Variants in NHLRC2 observed in about 807,000 individuals in gnomAD.
NHLRC2 encodes the protein NHL repeat containing 2.
A neutral mutation model predicts 68.1 loss-of-function variants in NHLRC2; 33 were observed. The ratio of observed to expected loss-of-function variants is 0.48; its 90% CI spans 0.37 to 0.65. The LOEUF (loss-of-function observed/expected upper bound fraction) is 0.65, where lower values mean the gene tolerates loss of function less well. Among genes scored for constraint, NHLRC2 ranks in the 30% least tolerant of loss-of-function variants. NHLRC2 has a pLI of 0.00. For missense variants in NHLRC2, 761 were observed against 853.8 expected, an observed-to-expected ratio of 0.89 and a Z score of 1.35; for synonymous variants, 311 against 309.6, an observed-to-expected ratio of 1.00 and a Z score of -0.05.
At chr10:113,876,450 C>A in intron 2 of NHLRC2, 71 bp from the exon 3 acceptor site, 5 of 848,140 alleles carry the variant, frequency 5.9e-6, no homozygotes, top group South Asian at 2.1e-5. Context: ...TGATCCAAAA[C>A]CTAATGTGTA....
Position 113,865,285 on chromosome 10 carries a change from C to G in NHLRC2, c.331+6605C>G, listed in dbSNP as rs370990125. Reference sequence around the variant, plus strand: ...GTTTTTAAAAATCGCTTTTCATCCCCCCCCCCCGTTCCTCTCACCATATAA... The same window carrying G: ...GTTTTTAAAAATCGCTTTTCATCCCGCCCCCCCGTTCCTCTCACCATATAA... On this transcript the variant is annotated intron_variant, in intron 2 of 10. Coordinates refer to ENST00000369301, the MANE Select transcript of NHLRC2 (RefSeq NM_198514.4). Among the ~76,000 whole-genome samples, 864 of 139,060 alleles carry G rather than the reference C, an allele frequency of 6.2e-3. 22 individuals carry two copies. Among genetic ancestry groups the G allele is most frequent in the African/African-American group, 0.021 (782 of 38,014 alleles). The allele number at this position is 139,060 out of a possible 152,430, so 91.2% of individuals were successfully genotyped here. A position where few individuals can be genotyped will look rare whatever the true frequency, so the allele number is the denominator to read the frequency against.
chr10:113,898,816 A>G (rs1001801696), intron 6 of NHLRC2, among the ~76,000 whole-genome samples: 1 of 152,142 alleles, frequency 6.6e-6, no homozygotes, highest in Non-Finnish European at 1.5e-5. Flanking sequence ...GAGCCACTTT[A>G]ACTTTCAAAG....
chr10:113,864,242 G>A (rs1845842360), intron 2 of NHLRC2, among the ~76,000 whole-genome samples: 1 of 152,302 alleles, frequency 6.6e-6, no homozygotes, highest in African/African-American at 2.4e-5. Flanking sequence ...AGGGGAGAAT[G>A]TGGAGCTATT....
At chr10:113,858,841 A>G (rs1845788221) in intron 2 of NHLRC2, 161 bp downstream of exon 2, 2 of 501,638 alleles carry the variant, frequency 4.0e-6, no homozygotes, top group South Asian at 8.2e-5. Context: ...ACCTTTTCAT[A>G]AAGGATTAAG....
chr10:113,885,981 T>G (rs1055993397), intron 5 of NHLRC2, among the ~76,000 whole-genome samples: 1 of 152,056 alleles, frequency 6.6e-6, no homozygotes. Flanking sequence ...CATGATTTTA[T>G]ATGTAGAAAA....
In NHLRC2 at chr10:113,876,789, C is replaced by G. The variant is rs1564853127; in HGVS notation, c.600C>G (p.Asp200Glu). Residue 200 changes from aspartate to glutamate, a missense_variant, in exon 3 of 11, where the codon GAC becomes GAG. Physicochemically the swap from Asp to Glu is conservative, Grantham distance 45. Transcript: ENST00000369301. ...CAATTGCTTTAAAGTATTACAAAGA[C>G]AGGGGGCAGATCAGAGATAATAAAA... ...YTSIALKYYKDRGQIRDNKIG... is the reference protein window; with the variant it reads ...YTSIALKYYKERGQIRDNKIG... The G allele has an allele frequency of 6.2e-7, 1 of 1,611,688 alleles. No individual in the cohort carries two copies. The highest frequency in any genetic ancestry group is 1.7e-5 in the Admixed American group (1 of 59,940).
In NHLRC2 at chr10:113,910,667, A is replaced by C. The variant is rs1306279337; in HGVS notation, c.*2131A>C. 1 of 152,174 alleles carries C rather than the reference A, an allele frequency of 6.6e-6. No individual in the cohort carries two copies. Among genetic ancestry groups the C allele is most frequent in the African/African-American group, 2.4e-5 (1 of 41,430 alleles). The allele number at this position is 152,174 out of a possible 1,614,324, so 9.4% of individuals were successfully genotyped here. On this transcript the variant is annotated 3_prime_UTR_variant, in exon 11 of 11. Coordinates refer to ENST00000369301, the MANE Select transcript of NHLRC2 (RefSeq NM_198514.4). Reference sequence around the variant, plus strand: ...TAATTTACTAATTTAGAAATATCTGAGTTTATTTTTCAATATAATATACAA... The same window carrying C: ...TAATTTACTAATTTAGAAATATCTGCGTTTATTTTTCAATATAATATACAA...
rs535372736 is a variant in NHLRC2 at position 113,913,608 on chromosome 10, T to G, written c.*5072T>G. The G allele has an allele frequency of 1.3e-5, 2 of 152,308 alleles. No homozygotes were observed. The highest frequency in any genetic ancestry group is 4.8e-5 in the African/African-American group (2 of 41,570). The allele number at this position is 152,308 out of a possible 1,614,324, so 9.4% of individuals were successfully genotyped here. On this transcript the variant is annotated 3_prime_UTR_variant, in exon 11 of 11. Coordinates refer to ENST00000369301, the MANE Select transcript of NHLRC2 (RefSeq NM_198514.4). ...TAAGACCTTATCATAAAGAGCCTTT[T>G]GCACAGGACTATCTCAAACCCTAAG...
Position 113,858,642 on chromosome 10 carries a change from C to G in NHLRC2, c.293C>G (p.Pro98Arg). 6.2e-7 allele frequency: 1 copy of G among 1,610,384 alleles called. No homozygotes were observed. Residue 98 changes from proline to arginine, a missense_variant, in exon 2 of 11, where the codon CCT becomes CGT. Pro to Arg is a moderately radical substitution (Grantham distance 103). Transcript: ENST00000369301. ...YCCINCIHLL[P>R]DLHALEHTYS... ...TGCATAAACTGTATTCACCTATTGCCTGATCTCCATGCATTAGAACACACA... is the reference window on the plus strand; with the variant it reads ...TGCATAAACTGTATTCACCTATTGCGTGATCTCCATGCATTAGAACACACA...
rs187271200 is a variant in NHLRC2 at position 113,883,422 on chromosome 10, T to C, written c.910-829T>C. ...TGCTGTAGCTTTGAGGAATAAGATA[T>C]CTATGAAGTAAGGAAAATTTCTGTC... On this transcript the variant is annotated intron_variant, in intron 4 of 10. Coordinates refer to ENST00000369301, the MANE Select transcript of NHLRC2 (RefSeq NM_198514.4). Among the ~76,000 whole-genome samples, 23 of 152,002 alleles carry C rather than the reference T, an allele frequency of 1.5e-4. No individual in the cohort carries two copies. The East Asian group carries it at 3.1e-3, about 20-fold the overall frequency.
At chr10:113,906,179 AGCAGTGT>A (rs1846273590) in intron 10 of NHLRC2, among the ~76,000 whole-genome samples, 1 of 152,204 alleles carries the variant, frequency 6.6e-6, no homozygotes, top group Non-Finnish European at 1.5e-5. Context: ...TCACTGTAGG[AGCAGTGT>A]ACTAATTTTT....
At chr10:113,886,559 G>C (rs1488150455) in intron 5 of NHLRC2, among the ~76,000 whole-genome samples, 1 of 152,078 alleles carries the variant, frequency 6.6e-6, no homozygotes, top group Non-Finnish European at 1.5e-5. Context: ...TAACAGGATA[G>C]AAAACCCAGA....
At position 113,914,451 on chromosome 10, in the gene NHLRC2, AGCCGCT is replaced by A. The variant is rs1846361647; in HGVS notation, c.*5918_*5923del. On this transcript the variant is annotated 3_prime_UTR_variant, in exon 11 of 11. Coordinates refer to ENST00000369301, the MANE Select transcript of NHLRC2 (RefSeq NM_198514.4). ...CCAAAGTGCTGGGATTACAGGCGTG[AGCCGCT>A]GCGCCCAGCGCACTAAATACTATTA... The A allele has an allele frequency of 6.5e-6, 1 of 154,766 alleles. No homozygotes were observed. Among genetic ancestry groups the A allele is most frequent in the Non-Finnish European group, 1.4e-5 (1 of 69,972 alleles). 9.6% of individuals were successfully genotyped at this position (154,766 alleles called of 1,614,324 possible).
At chr10:113,867,561 A>G (rs1845880113) in intron 2 of NHLRC2, among the ~76,000 whole-genome samples, 1 of 152,078 alleles carries the variant, frequency 6.6e-6, no homozygotes, top group African/African-American at 2.4e-5. Context: ...CACCCTTCTC[A>G]TCCTTCCTCA....
intron 2 of NHLRC2, among the ~76,000 whole-genome samples, chr10:113,871,655 G>T (rs745444826): frequency 2.6e-5 from 4 of 152,156 alleles, no homozygotes; most frequent in Non-Finnish European, 5.9e-5. Flanking sequence ...AAGTATGAAA[G>T]ATTAGTGTAA....
intron 2 of NHLRC2, among the ~76,000 whole-genome samples, chr10:113,872,249 A>C (rs1235576115): frequency 6.6e-6 from 1 of 152,144 alleles, no homozygotes; most frequent in Non-Finnish European, 1.5e-5. Context: ...AGGAAAAGGT[A>C]AGGTTCTAAT....
rs1173975975 is a variant in NHLRC2 at position 113,909,307 on chromosome 10, A to C, written c.*771A>C. The stretch of plus-strand genomic sequence containing the variant: ...GTCCCCAGAAATATTATGACTTTCA[A>C]GGAAAAAGGGACTTTAGGACACATT... On this transcript the variant is annotated 3_prime_UTR_variant, in exon 11 of 11. Transcript: ENST00000369301. The C allele has an allele frequency of 6.6e-6, 1 of 152,200 alleles. No individual in the cohort carries two copies. The highest frequency in any genetic ancestry group is 2.4e-5 in the African/African-American group (1 of 41,448). 9.4% of individuals were successfully genotyped at this position (152,200 alleles called of 1,614,324 possible). A position where few individuals can be genotyped will look rare whatever the true frequency, so the allele number is the denominator to read the frequency against.
chr10:113,855,091 T>C, intron 1 of NHLRC2, 41 bp downstream of exon 1: 2 of 1,510,274 alleles, frequency 1.3e-6, no homozygotes, highest in South Asian at 2.4e-5. Flanking sequence ...TCCCGGCACC[T>C]CCCCTTCCTC....
At position 113,870,709 on chromosome 10, in the gene NHLRC2, C is replaced by G. The variant is rs536271818; in HGVS notation, c.332-5812C>G. 5.3e-5 allele frequency among the ~76,000 whole-genome samples: 8 copies of G among 152,246 alleles called. No individual in the cohort carries two copies. The South Asian group carries it at 1.7e-3, about 32-fold the overall frequency. ...CATATGTAGTTTCGTTAGGTATTGCCTAGTTCTTCATCAGGAAAGTTGTAC... is the reference window on the plus strand; with the variant it reads ...CATATGTAGTTTCGTTAGGTATTGCGTAGTTCTTCATCAGGAAAGTTGTAC... On this transcript the variant is annotated intron_variant, in intron 2 of 10. Coordinates refer to ENST00000369301, the MANE Select transcript of NHLRC2 (RefSeq NM_198514.4).
Sources: gnomAD v4.1 joint callset for allele counts (sites outside exome capture counted in the v4.1 genomes callset) on GRCh38, gnomAD v4.1.1 for gene constraint, MANE v1.5 for transcripts, NCBI Gene and HGNC (gene_info 2026-07-23, HGNC 2026-07-21) for gene names.